RAB40B: variants seen among roughly 807,000 people sequenced by gnomAD.
RAB40B encodes ras-related protein Rab-40B.
In RAB40B, 21 loss-of-function variants were observed where a neutral mutation model predicts 24.0. The ratio of observed to expected loss-of-function variants is 0.88; its 90% confidence interval spans 0.62 to 1.26. The LOEUF (loss-of-function observed/expected upper bound fraction) is 1.26, where lower values mean the gene tolerates loss of function less well. Ranked by LOEUF, RAB40B falls within the 50% of genes most tolerant of loss-of-function variation. The pLI is 0.00. For missense variants in RAB40B, 348 were observed against 390.5 expected (o/e 0.89, Z 0.92); for synonymous variants, 167 against 169.8 (o/e 0.98, Z 0.13).
rs1048240117 is a variant in RAB40B at position 82,667,020 on chromosome 17, G to A, written c.143-2464C>T. Among the ~76,000 whole-genome samples the A allele has an allele frequency of 1.3e-5, 2 of 152,206 alleles. No individual in the cohort carries two copies. The highest frequency in any genetic ancestry group is 2.9e-5 in the Non-Finnish European group (2 of 68,036). ...GAGGGGAGAAGCAGCGCCGAGGCTC[G>A]CACCAGACCTCACCCTGGAGACCGT... On this transcript the variant is annotated intron_variant, in intron 1 of 5. Transcript: ENST00000571995. This position sits in a 1 kb window ranked among gnomAD's most constrained non-coding sequence, Gnocchi z 4.3.
chr17:82,681,437 G>A (rs985698352), intron 1 of RAB40B, among the ~76,000 whole-genome samples: 1 of 152,076 alleles, frequency 6.6e-6, no homozygotes, highest in African/African-American at 2.4e-5. Flanking sequence ...ACTGGGTAGG[G>A]AAAAAAGCCC....
At chr17:82,670,279 G>T (rs1176473224) in intron 1 of RAB40B, among the ~76,000 whole-genome samples, 2 of 150,586 alleles carry the variant, frequency 1.3e-5, no homozygotes, top group African/African-American at 4.9e-5. Flanking sequence ...CCGCCCACCG[G>T]GTTCAAGCAA....
chr17:82,683,548 G>T (rs1007383625), intron 1 of RAB40B, among the ~76,000 whole-genome samples: 2 of 152,226 alleles, frequency 1.3e-5, no homozygotes, highest in African/African-American at 4.8e-5. Context: ...ACCACTTTGG[G>T]AGGCCGAGGT....
At position 82,689,130 on chromosome 17, in the gene RAB40B, C is replaced by G. The variant is rs144871735; in HGVS notation, c.142+9325G>C. Among the ~76,000 whole-genome samples, 208 of 152,370 alleles carry G rather than the reference C, an allele frequency of 1.4e-3. 1 individual carries two copies. The highest frequency in any genetic ancestry group is 4.9e-3 in the African/African-American group (205 of 41,596). ...GAACAGTACCCACAGCCAGCACATA[C>G]CAGCTGATTCCACTGTTGCCTCTGA... On this transcript the variant is annotated intron_variant, in intron 1 of 5. Coordinates refer to ENST00000571995, the MANE Select transcript of RAB40B (RefSeq NM_006822.3).
Position 82,657,898 on chromosome 17 carries a change from T to TTTG in RAB40B, c.801_802insCAA (p.Pro267_Lys268insGln). 2.2e-6 allele frequency: 1 copy of TTTG among 462,678 alleles called. No homozygotes were observed. The highest frequency in any genetic ancestry group is 4.1e-5 in the Admixed American group (1 of 24,122). 28.7% of individuals were successfully genotyped at this position (462,678 alleles called of 1,614,324 possible). On this transcript the variant is annotated inframe_insertion, in exon 6 of 6. Transcript: ENST00000571995. ...TTGCAGCTGTTTCTGGTGCAGTTTTTGGGGGGGCTCTGGGGGGGGCGGACG... is the reference window on the plus strand; with the variant it reads ...TTGCAGCTGTTTCTGGTGCAGTTTTTTTGGGGGGGGCTCTGGGGGGGGCGGACG...
At chr17:82,682,116 C>T (rs561866555) in intron 1 of RAB40B, among the ~76,000 whole-genome samples, 5 of 53,994 alleles carry the variant, frequency 9.3e-5, no homozygotes, top group East Asian at 1.0e-3. Context: ...CACACACACA[C>T]GCATGCACAC....
chr17:82,686,474 T>C (rs560284781), intron 1 of RAB40B, among the ~76,000 whole-genome samples: 22 of 152,126 alleles, frequency 1.4e-4, no homozygotes, highest in Non-Finnish European at 2.6e-4. Flanking sequence ...GGGCCCTAAA[T>C]CCAATGGCTA....
In RAB40B at chr17:82,658,275, C is replaced by T. The variant is rs58247763; in HGVS notation, c.566-141G>A. 6.8e-3 allele frequency: 8,287 copies of T among 1,224,084 alleles called. 297 individuals are homozygous for T. In the South Asian group the frequency reaches 0.072, roughly 11 times the overall value. The allele number at this position is 1,224,084 out of a possible 1,614,324, so 75.8% of individuals were successfully genotyped here. ...GGCTTGTACATGCAGCAAGCCCTGC[C>T]GCGACGTCCCCTCTGCCCACGTACA... On this transcript the variant is annotated intron_variant, in intron 5 of 5. Transcript: ENST00000571995.
chr17:82,688,124 C>G (rs2046520503), intron 1 of RAB40B, among the ~76,000 whole-genome samples: 1 of 152,088 alleles, frequency 6.6e-6, no homozygotes, highest in Non-Finnish European at 1.5e-5. Flanking sequence ...GAGCGTCCAT[C>G]AGTCCATCCT....
intron 1 of RAB40B, among the ~76,000 whole-genome samples, chr17:82,686,089 A>C (rs1598314735): frequency 7.0e-6 from 1 of 143,072 alleles, no homozygotes; most frequent in South Asian, 2.2e-4. Context: ...GGCGTGAGCC[A>C]CCGCACCCAG....
Position 82,658,119 on chromosome 17 carries a change from T to C in RAB40B, c.581A>G (p.Asp194Gly). 6.2e-7 allele frequency: 1 copy of C among 1,613,704 alleles called. No individual in the cohort carries two copies. The highest frequency in any genetic ancestry group is 8.5e-7 in the Non-Finnish European group (1 of 1,179,872). Residue 194 changes from aspartate (D) to glycine (G), a missense_variant, in exon 6 of 6, where the codon GAC becomes GGC. Asp to Gly is a moderately conservative substitution (Grantham distance 94). Coordinates refer to ENST00000571995, the MANE Select transcript of RAB40B (RefSeq NM_006822.3). ...WRPSKVLSLQDLCCRAVVSCT... is the reference protein window; with the variant it reads ...WRPSKVLSLQGLCCRAVVSCT... ...GGACACGACCGCCCGGCAGCAGAGG[T>C]CTTGCAAGCTCAGCACTTGGGAGAG...
At position 82,697,409 on chromosome 17, in the gene RAB40B, C is replaced by T. The variant is rs1196534733; in HGVS notation, c.142+1046G>A. ...CCCTGGACCTGGGGCTTCCCAGACC[C>T]TTCCCAGGCCCCAGAGCTGACAGGT... On this transcript the variant is annotated intron_variant, in intron 1 of 5. Coordinates refer to ENST00000571995, the MANE Select transcript of RAB40B (RefSeq NM_006822.3). The surrounding 1 kb of genome is among the most constrained non-coding windows in gnomAD (Gnocchi z 4.9). Among the ~76,000 whole-genome samples, 2 of 152,210 alleles carry T rather than the reference C, an allele frequency of 1.3e-5. No homozygotes were observed. The highest frequency in any genetic ancestry group is 3.9e-4 in the East Asian group (2 of 5,186).
chr17:82,658,183 C>G (rs1453153060), intron 5 of RAB40B, 49 bp from the exon 6 acceptor site: 1 of 1,580,800 alleles, frequency 6.3e-7, no homozygotes, highest in East Asian at 2.2e-5. Flanking sequence ...CCCACCTGGG[C>G]TGGGAATGAG....
chr17:82,685,599 A>G (rs904103505), intron 1 of RAB40B, among the ~76,000 whole-genome samples: 14 of 152,160 alleles, frequency 9.2e-5, no homozygotes, highest in Non-Finnish European at 2.1e-4. Flanking sequence ...ACAGGAACCA[A>G]CAGGGCCAGG....
intron 1 of RAB40B, among the ~76,000 whole-genome samples, chr17:82,685,260 T>C (rs1284041554): frequency 2.9e-5 from 1 of 34,786 alleles, no homozygotes; most frequent in African/African-American, 1.2e-4. Context: ...GAGGGGGAAG[T>C]GGGCCAGAAG....
chr17:82,673,806 T>C (rs531014770), intron 1 of RAB40B, among the ~76,000 whole-genome samples: 8 of 152,198 alleles, frequency 5.3e-5, no homozygotes, highest in African/African-American at 1.9e-4. Flanking sequence ...GAGACACAAA[T>C]CTCAATTTTG....
In RAB40B at chr17:82,670,284, A is replaced by G. The variant is rs1215272187; in HGVS notation, c.143-5728T>C. ...ACTGCAACCTCCGCCCACCGGGTTC[A>G]AGCAATTCTCGTGCCTCAGCGTCCC... On this transcript the variant is annotated intron_variant, in intron 1 of 5. Transcript: ENST00000571995. Among the ~76,000 whole-genome samples, 3 of 149,122 alleles carry G rather than the reference A, an allele frequency of 2.0e-5. No homozygotes were observed. In the East Asian group the frequency reaches 6.0e-4, roughly 30 times the overall value.
In RAB40B at chr17:82,698,502, G is replaced by T. The variant is rs199586588; in HGVS notation, c.95C>A (p.Ala32Glu). 17 of 1,515,824 alleles carry T rather than the reference G, an allele frequency of 1.1e-5. No individual in the cohort carries two copies. The highest frequency in any genetic ancestry group is 7.7e-5 in the Admixed American group (4 of 51,746). 93.9% of individuals were successfully genotyped at this position (1,515,824 alleles called of 1,614,324 possible). The change falls in exon 1 of 6, where the codon GCG (alanine) becomes GAG (glutamate). Residue 32 changes from alanine to glutamate, a missense_variant. Coordinates refer to ENST00000571995, the MANE Select transcript of RAB40B (RefSeq NM_006822.3). ...DSDVGKGEIL[A>E]SLQDGAAESP... ...CTCGGCCGCGCCATCCTGCAGGCTC[G>T]CCAGGATCTCGCCCTTGCCCACGTC...
At chr17:82,678,151 G>A (rs1026496604) in intron 1 of RAB40B, among the ~76,000 whole-genome samples, 2 of 151,910 alleles carry the variant, frequency 1.3e-5, no homozygotes, top group South Asian at 4.2e-4. Context: ...TCTCCCATCT[G>A]TGTGTTTGCT....
Sources: allele counts gnomAD v4.1 joint callset (sites outside exome capture counted in the v4.1 genomes callset), GRCh38; gene constraint gnomAD v4.1.1; non-coding constraint Gnocchi (gnomAD v3.1); transcripts MANE v1.5; gene names NCBI Gene and HGNC (gene_info 2026-07-23, HGNC 2026-07-21).